The following EXOC7 variants were observed in gnomAD, a reference collection of about 807,000 sequenced individuals.
The protein encoded by EXOC7 is exocyst complex component 7, also known as exocyst complex component Exo70.
A neutral mutation model predicts 87.6 loss-of-function variants in EXOC7; 51 were observed. That is an observed-to-expected ratio of 0.58 (90% CI 0.46 to 0.73). The LOEUF (loss-of-function observed/expected upper bound fraction) is 0.73, where lower values mean the gene tolerates loss of function less well. Ranked by LOEUF, EXOC7 falls within the 30% of genes least tolerant of loss-of-function variation. The pLI is 0.00. For missense variants in EXOC7, 744 were observed against 888.4 expected (o/e 0.84, Z 2.07); for synonymous variants, 327 against 357.1 (o/e 0.92, Z 0.95).
At chr17:76,092,713 G>A (rs1382396561) in intron 6 of EXOC7, 1 of 152,194 alleles carries the variant, frequency 6.6e-6, no homozygotes, top group East Asian at 1.9e-4. Context: ...CAACCCACCA[G>A]GAGCAGACAC....
intron 3 of EXOC7, 50 bp downstream of exon 3, chr17:76,101,629 G>A: frequency 6.4e-7 from 1 of 1,556,006 alleles, no homozygotes; most frequent in Non-Finnish European, 8.7e-7. Context: ...CAACCCTCCT[G>A]TTGGCCCAGG....
chr17:76,085,252 G>A, intron 15 of EXOC7, 62 bp downstream of exon 15: 1 of 1,345,852 alleles, frequency 7.4e-7, no homozygotes, highest in Non-Finnish European at 1.0e-6. Flanking sequence ...GAGGTGCTGA[G>A]AAGGAAGAGT....
intron 8 of EXOC7, 79 bp downstream of exon 8, chr17:76,089,096 G>C (rs2067352661): frequency 6.3e-7 from 1 of 1,587,942 alleles, no homozygotes; most frequent in Non-Finnish European, 8.6e-7. Context: ...GTGGTGGTGG[G>C]TGGAGTTGAG....
chr17:76,088,080 C>T lies in EXOC7; in HGVS notation c.1342G>A (p.Val448Ile), dbSNP rs2067294206. ...CCCACATTGCTGGTGAGCTCGTGTACGGTGCCGTCCTTCGGCATGTTGTAC... is the reference window on the plus strand; with the variant it reads ...CCCACATTGCTGGTGAGCTCGTGTATGGTGCCGTCCTTCGGCATGTTGTAC... ...KEYNMPKDGT[V>I]HELTSNAILF... Residue 448 changes from valine (V) to isoleucine (I), a missense_variant, in exon 11 of 19, where the codon GTA becomes ATA. Val to Ile is a conservative substitution (Grantham distance 29, BLOSUM62 3). This residue lies in a region of EXOC7 where 4 missense variants were observed against 16.9 expected (regional missense o/e 0.24). Coordinates refer to ENST00000589210, the MANE Select transcript of EXOC7 (RefSeq NM_001013839.4). 2.5e-6 allele frequency: 4 copies of T among 1,614,022 alleles called. No homozygotes were observed. Among genetic ancestry groups the T allele is most frequent in the Non-Finnish European group, 3.4e-6 (4 of 1,179,982 alleles).
Position 76,088,942 on chromosome 17 carries a change from A to G in EXOC7, c.1048-19T>C. 6.2e-7 allele frequency: 1 copy of G among 1,607,610 alleles called. No individual in the cohort carries two copies. Among genetic ancestry groups the G allele is most frequent in the Non-Finnish European group, 8.5e-7 (1 of 1,178,254 alleles). ...GGGCATCCTGAGGGGGCAGGGAGACAGTTCAGGGAAGGGTGGGGCGGTGGG... is the reference window on the plus strand; with the variant it reads ...GGGCATCCTGAGGGGGCAGGGAGACGGTTCAGGGAAGGGTGGGGCGGTGGG... On this transcript the variant is annotated intron_variant, in intron 8 of 18. Transcript: ENST00000589210.
rs1188486490 is a variant in EXOC7 at position 76,094,571 on chromosome 17, G to A, written c.651C>T (p.Asn217=). 8.1e-6 allele frequency: 13 copies of A among 1,612,704 alleles called. No individual in the cohort carries two copies. The highest frequency in any genetic ancestry group is 1.1e-5 in the Non-Finnish European group (13 of 1,179,450). The change falls in exon 6 of 19, where the codon AAC becomes AAT. Residue 217 remains asparagine (N), a synonymous_variant. Coordinates refer to ENST00000589210, the MANE Select transcript of EXOC7 (RefSeq NM_001013839.4). ...GGCTGGAGCGTATCTGGTAGTAGAC[G>A]TTCATGAAATCTGAGGAGACACAGA... ...VEYGRNQDFM[N]VYYQIRSSQL...
Position 76,103,715 on chromosome 17 carries a change from A to C in EXOC7, c.-23T>G. On this transcript the variant is annotated 5_prime_UTR_variant, in exon 1 of 19. Coordinates refer to ENST00000589210, the MANE Select transcript of EXOC7 (RefSeq NM_001013839.4). ...CATCGCTCTGAACCCCGCGGCTCCC[A>C]CTCCCCAGTATCTTTCCTCCGCGGG... 1 of 1,587,780 alleles carries C rather than the reference A, an allele frequency of 6.3e-7. No homozygotes were observed. Among genetic ancestry groups the C allele is most frequent in the Non-Finnish European group, 8.6e-7 (1 of 1,168,772 alleles).
intron 10 of EXOC7, 103 bp downstream of exon 10, chr17:76,088,361 G>T: frequency 1.6e-6 from 2 of 1,226,912 alleles, no homozygotes; most frequent in South Asian, 1.3e-5. Flanking sequence ...TGGCTGCCCC[G>T]GGACAACGCA....
At chr17:76,095,390 T>C (rs2067701507) in intron 5 of EXOC7, among the ~76,000 whole-genome samples, 1 of 151,852 alleles carries the variant, frequency 6.6e-6, no homozygotes, top group Admixed American at 6.6e-5. Context: ...CGCCTCAGCC[T>C]CCCAAGTAGC....
In EXOC7 at chr17:76,088,105, C is replaced by T. The variant is rs773137393; in HGVS notation, c.1317G>A (p.Glu439=). The T allele has an allele frequency of 1.9e-6, 3 of 1,614,016 alleles. No homozygotes were observed. Among genetic ancestry groups the T allele is most frequent in the African/African-American group, 2.7e-5 (2 of 75,066 alleles). The part of the protein sequence containing the change: ...ADNIKNDPDK[E]YNMPKDGTVH... ...CGGTGCCGTCCTTCGGCATGTTGTACTCCTTGTCCGGGTCATTCTGTGGAA... is the reference window on the plus strand; with the variant it reads ...CGGTGCCGTCCTTCGGCATGTTGTATTCCTTGTCCGGGTCATTCTGTGGAA... The change falls in exon 11 of 19, where the codon GAG becomes GAA. Residue 439 remains glutamate, a synonymous_variant. Transcript: ENST00000589210.
At chr17:76,085,503 C>G in intron 14 of EXOC7, 94 bp from the exon 15 acceptor site, 1 of 1,502,546 alleles carries the variant, frequency 6.7e-7, no homozygotes, top group Non-Finnish European at 9.1e-7. Context: ...CCATTGCACC[C>G]CAAACTCCAC....
chr17:76,088,324 T>C (rs2067305516), intron 10 of EXOC7, 140 bp downstream of exon 10: 6 of 967,290 alleles, frequency 6.2e-6, no homozygotes, highest in South Asian at 4.6e-5. Flanking sequence ...GGAAGGCACA[T>C]GGGTGCTGAC....
intron 5 of EXOC7, 88 bp downstream of exon 5, chr17:76,097,703 CAAAAA>C (rs57781252): frequency 0.03 from 9,417 of 309,508 alleles, no homozygotes; most frequent in East Asian, 0.042. Context: ...GACTCCATCT[CAAAAA>C]AAAAAAAAAA....
At chr17:76,100,251 A>T (rs770151718) in intron 4 of EXOC7, among the ~76,000 whole-genome samples, 3 of 152,174 alleles carry the variant, frequency 2.0e-5, no homozygotes, top group Non-Finnish European at 4.4e-5. Context: ...CACTTGGAGA[A>T]GATGAACATA....
chr17:76,098,163 A>G lies in EXOC7; in HGVS notation c.418-145T>C, dbSNP rs2067873838. The G allele has an allele frequency of 2.3e-5, 15 of 642,442 alleles. No individual in the cohort carries two copies. In the South Asian group the frequency reaches 2.9e-4, roughly 13 times the overall value. 39.8% of individuals were successfully genotyped at this position (642,442 alleles called of 1,614,324 possible). A position where few individuals can be genotyped will look rare whatever the true frequency, so the allele number is the denominator to read the frequency against. The stretch of plus-strand genomic sequence containing the variant: ...GATATCTTTTTTTTTTTTGAGAGGG[A>G]GTCTCGCTCTGTCACCAGGCTGGAG... On this transcript the variant is annotated intron_variant, in intron 4 of 18. Coordinates refer to ENST00000589210, the MANE Select transcript of EXOC7 (RefSeq NM_001013839.4).
chr17:76,100,598 A>C (rs565635109), intron 4 of EXOC7, among the ~76,000 whole-genome samples: 1 of 151,176 alleles, frequency 6.6e-6, no homozygotes. Context: ...GTGCCATTGC[A>C]CTCCAGCTTG....
intron 12 of EXOC7, chr17:76,086,957 CA>C: frequency 6.9e-7 from 1 of 1,446,868 alleles, no homozygotes; most frequent in Non-Finnish European, 9.5e-7. Context: ...GAGAAAGATG[CA>C]AAGTGCAAAA....
At chr17:76,103,246 C>T in intron 2 of EXOC7, 115 bp downstream of exon 2, 2 of 913,752 alleles carry the variant, frequency 2.2e-6, no homozygotes, top group Non-Finnish European at 3.4e-6. Context: ...CACACACTGC[C>T]TCCGTCGCTG....
At chr17:76,086,706 G>T in intron 12 of EXOC7, 1 of 668,826 alleles carries the variant, frequency 1.5e-6, no homozygotes, top group Non-Finnish European at 2.6e-6. Context: ...TGGCCTTGAA[G>T]GGAGCAGAGA....
Sources: gnomAD v4.1 joint callset for allele counts (sites outside exome capture counted in the v4.1 genomes callset) on GRCh38, gnomAD v4.1.1 for gene constraint, gnomAD v4.1.1 regional missense constraint, MANE v1.5 for transcripts, NCBI Gene and HGNC (gene_info 2026-07-23, HGNC 2026-07-21) for gene names.